SERPINB7: variants seen among roughly 807,000 people sequenced by gnomAD.
SERPINB7 encodes serpin family B member 7, also known as serpin B7.
SERPINB7 carries 31 observed loss-of-function variants against 37.4 expected under a neutral mutation model. That is an observed-to-expected ratio of 0.83 (90% CI 0.62 to 1.12). SERPINB7 has a LOEUF of 1.12. Among genes scored for constraint, SERPINB7 ranks in the 50% most tolerant of loss-of-function variants. The pLI is 0.00. For synonymous variants in SERPINB7, 163 were observed against 166.1 expected (o/e 0.98, Z 0.14); for missense variants, 521 against 455.3 (o/e 1.14, Z -1.31).
chr18:63,763,832 T>G (rs2049166789), intron 1 of SERPINB7, among the ~76,000 whole-genome samples: 1 of 152,158 alleles, frequency 6.6e-6, no homozygotes, highest in South Asian at 2.1e-4. Context: ...ACTAATTACT[T>G]TACTAAATCA....
intron 1 of SERPINB7, 148 bp from the exon 2 acceptor site, chr18:63,782,207 T>G (rs898225950): frequency 2.5e-5 from 11 of 433,192 alleles, no homozygotes; most frequent in Non-Finnish European, 3.7e-5. Flanking sequence ...CCAAGGGAAC[T>G]TTTCCCTTTT....
chr18:63,778,402 T>C (rs2049271132), intron 1 of SERPINB7, among the ~76,000 whole-genome samples: 1 of 152,174 alleles, frequency 6.6e-6, no homozygotes, highest in Non-Finnish European at 1.5e-5. Flanking sequence ...GGATTATTCA[T>C]TTCTTTCCTA....
At position 63,798,665 on chromosome 18, in the gene SERPINB7, G is replaced by T; in HGVS notation, c.516G>T (p.Val172=). 6.2e-7 allele frequency: 1 copy of T among 1,612,114 alleles called. No individual in the cohort carries two copies. The highest frequency in any genetic ancestry group is 1.1e-5 in the South Asian group (1 of 90,606). The part of the protein sequence containing the change: ...GISSSAVMVL[V]NAVYFKGKWQ... ...GCTCATCTGCTGTAATGGTGCTGGT[G>T]AATGCTGTGTACTTCAAAGGCAAGT... The change falls in exon 6 of 8, where the codon GTG becomes GTT. Residue 172 remains valine (V), a synonymous_variant. Transcript: ENST00000398019.
At chr18:63,789,589 G>T (rs1039477298) in intron 2 of SERPINB7, among the ~76,000 whole-genome samples, 1 of 152,104 alleles carries the variant, frequency 6.6e-6, no homozygotes, top group Admixed American at 6.6e-5. Context: ...CTAAAAAACT[G>T]AGGGAGGATT....
At chr18:63,769,711 G>T (rs1162007222) in intron 1 of SERPINB7, among the ~76,000 whole-genome samples, 1 of 152,088 alleles carries the variant, frequency 6.6e-6, no homozygotes, top group East Asian at 1.9e-4. Context: ...CTACCCAGCA[G>T]TCAATCTGAA....
intron 2 of SERPINB7, among the ~76,000 whole-genome samples, chr18:63,788,629 C>G (rs754748555): frequency 2.0e-5 from 3 of 152,162 alleles, no homozygotes; most frequent in Non-Finnish European, 4.4e-5. Flanking sequence ...ACATCCTAGG[C>G]CTTCACACTC....
chr18:63,794,809 T>A (rs1692404337), intron 4 of SERPINB7, among the ~76,000 whole-genome samples: 1 of 152,164 alleles, frequency 6.6e-6, no homozygotes, highest in Non-Finnish European at 1.5e-5. Flanking sequence ...AAGAGCTGTA[T>A]CCAAGGAAAT....
At chr18:63,755,765 A>T (rs187109569) in intron 1 of SERPINB7, among the ~76,000 whole-genome samples, 2 of 152,136 alleles carry the variant, frequency 1.3e-5, no homozygotes, top group Admixed American at 1.3e-4. Context: ...ATGGTGGTGT[A>T]TACTTGTAGT....
upstream of SERPINB7, among the ~76,000 whole-genome samples, chr18:63,771,916 GA>G (rs111343532): frequency 0.016 from 2,396 of 146,192 alleles, 66 homozygotes; most frequent in African/African-American, 0.049. Flanking sequence ...GTTCAAAAAG[GA>G]AAAAAAAAAT....
intron 2 of SERPINB7, among the ~76,000 whole-genome samples, chr18:63,791,454 C>T (rs1720843): frequency 7.9e-5 from 12 of 151,896 alleles, no homozygotes; most frequent in African/African-American, 2.9e-4. Flanking sequence ...CAAAAAATAA[C>T]AGGAAAATCT....
intron 1 of SERPINB7, among the ~76,000 whole-genome samples, chr18:63,769,261 T>A (rs4941221): frequency 0.37 from 30,391 of 81,388 alleles, 3,588 homozygotes; most frequent in Middle Eastern, 0.54. Flanking sequence ...AGTTTCTTTA[T>A]TTTTTCCATC....
intron 1 of SERPINB7, among the ~76,000 whole-genome samples, chr18:63,766,530 C>T (rs2049181574): frequency 1.3e-5 from 2 of 150,540 alleles, no homozygotes; most frequent in African/African-American, 4.9e-5. Context: ...CTGAACTTTC[C>T]AGTTCTATGT....
At chr18:63,787,232 G>A (rs767992259) in intron 2 of SERPINB7, among the ~76,000 whole-genome samples, 37 of 152,076 alleles carry the variant, frequency 2.4e-4, no homozygotes, top group Non-Finnish European at 4.7e-4. Context: ...TTTGGATTAG[G>A]ATGCTCCACC....
intron 2 of SERPINB7, among the ~76,000 whole-genome samples, chr18:63,788,471 C>G (rs1272211461): frequency 6.6e-6 from 1 of 152,098 alleles, no homozygotes; most frequent in Non-Finnish European, 1.5e-5. Context: ...ACAAAAGAAT[C>G]AAAATGTTTT....
upstream of SERPINB7, among the ~76,000 whole-genome samples, chr18:63,775,034 A>G (rs988067806): frequency 6.6e-6 from 1 of 152,106 alleles, no homozygotes; most frequent in Non-Finnish European, 1.5e-5. Flanking sequence ...CTATAAGATG[A>G]GTGGCAAGTT....
At chr18:63,804,145 G>A (rs935620105) in intron 7 of SERPINB7, 92 bp from the exon 8 acceptor site, 12 of 930,390 alleles carry the variant, frequency 1.3e-5, no homozygotes, top group Admixed American at 2.9e-5. Context: ...TCCAGGAAGC[G>A]ATAATTATAG....
intron 7 of SERPINB7, among the ~76,000 whole-genome samples, chr18:63,803,725 C>T (rs1019360579): frequency 2.6e-5 from 4 of 152,172 alleles, no homozygotes; most frequent in African/African-American, 9.7e-5. Context: ...GGTAACTGCA[C>T]TGGGAGATAT....
At chr18:63,797,646 C>T (rs2049502234) in intron 5 of SERPINB7, among the ~76,000 whole-genome samples, 2 of 152,116 alleles carry the variant, frequency 1.3e-5, no homozygotes, top group Non-Finnish European at 1.5e-5. Context: ...AACAACCCTA[C>T]CCAGGTCTTG....
chr18:63,780,759 G>T (rs914962348), intron 1 of SERPINB7, among the ~76,000 whole-genome samples: 4 of 152,108 alleles, frequency 2.6e-5, no homozygotes, highest in African/African-American at 9.7e-5. Flanking sequence ...GACTTATAAC[G>T]AATTCTATAT....
Sources: gnomAD v4.1 joint callset for allele counts (sites outside exome capture counted in the v4.1 genomes callset) on GRCh38, gnomAD v4.1.1 for gene constraint, MANE v1.5 for transcripts, NCBI Gene and HGNC (gene_info 2026-07-23, HGNC 2026-07-21) for gene names.